Variants in CADPS2 observed in about 807,000 individuals in gnomAD.
CADPS2 encodes calcium dependent secretion activator 2.
CADPS2 carries 93 observed loss-of-function variants against 172.5 expected under a neutral mutation model. That is an observed-to-expected ratio of 0.54 (90% CI 0.46 to 0.64). The LOEUF is 0.64. Ranked by LOEUF, CADPS2 falls within the 30% of genes least tolerant of loss-of-function variation. The pLI is 0.00. For missense variants in CADPS2, 1,420 were observed against 1,565.9 expected (o/e 0.91, Z 1.57); for synonymous variants, 546 against 555.2 (o/e 0.98, Z 0.23).
intron 1 of CADPS2, among the ~76,000 whole-genome samples, chr7:122,834,165 G>T (rs1306139470): frequency 6.6e-6 from 1 of 152,196 alleles, no homozygotes; most frequent in Non-Finnish European, 1.5e-5. Flanking sequence ...CAGCTAACAT[G>T]ATGGTAGAAG....
At chr7:122,577,378 A>G (rs1324836003) in intron 7 of CADPS2, among the ~76,000 whole-genome samples, 12 of 152,144 alleles carry the variant, frequency 7.9e-5, no homozygotes, top group Non-Finnish European at 1.6e-4. Context: ...CAAACTCGCA[A>G]CTGTTGTCTA....
chr7:122,622,302 T>C (rs2075682464), intron 4 of CADPS2, among the ~76,000 whole-genome samples: 1 of 152,216 alleles, frequency 6.6e-6, no homozygotes, highest in South Asian at 2.1e-4. Context: ...CTTCTGGCTA[T>C]AAATTCAGTT....
intron 1 of CADPS2, among the ~76,000 whole-genome samples, chr7:122,751,042 G>A (rs37910): frequency 0.2 from 29,909 of 152,066 alleles, 3,699 homozygotes; most frequent in African/African-American, 0.35. Flanking sequence ...AACTCAAACC[G>A]ATTTTTAAAT....
intron 2 of CADPS2, among the ~76,000 whole-genome samples, chr7:122,692,879 T>C (rs2084579441): frequency 6.6e-6 from 1 of 152,220 alleles, no homozygotes; most frequent in Non-Finnish European, 1.5e-5. Context: ...TGCTCTCCAT[T>C]GCCTTCAGGG....
intron 27 of CADPS2, among the ~76,000 whole-genome samples, chr7:122,358,783 A>G (rs1054627261): frequency 1.3e-5 from 2 of 152,148 alleles, no homozygotes; most frequent in Non-Finnish European, 2.9e-5. Context: ...TAGAAGTGTA[A>G]TGTCCATAAC....
chr7:122,369,711 G>T (rs931434249), intron 25 of CADPS2: 1 of 152,246 alleles, frequency 6.6e-6, no homozygotes, highest in South Asian at 2.1e-4. Context: ...TTCTCTTCCA[G>T]GACAGCCTGC....
intron 2 of CADPS2, chr7:122,701,619 C>G (rs2136272521): frequency 8.3e-6 from 3 of 360,258 alleles, no homozygotes; most frequent in African/African-American, 2.1e-5. Flanking sequence ...ATAAAATTCA[C>G]CTAAAAAAAC....
At chr7:122,504,541 C>T (rs2059468356) in intron 9 of CADPS2, among the ~76,000 whole-genome samples, 1 of 151,942 alleles carries the variant, frequency 6.6e-6, no homozygotes, top group African/African-American at 2.4e-5. Flanking sequence ...TTTCCCCACC[C>T]CTACCTTTCT....
intron 1 of CADPS2, among the ~76,000 whole-genome samples, chr7:122,884,981 T>C (rs1453120977): frequency 6.6e-6 from 1 of 152,222 alleles, no homozygotes; most frequent in South Asian, 2.1e-4. Context: ...AACTAATAAA[T>C]GTCTGTGCAT....
At chr7:122,661,455 T>A (rs1385753732) in intron 3 of CADPS2, among the ~76,000 whole-genome samples, 1 of 152,166 alleles carries the variant, frequency 6.6e-6, no homozygotes, top group Admixed American at 6.6e-5. Context: ...TATAACCTTG[T>A]AACATCTAGT....
chr7:122,695,788 T>C (rs1267718078), intron 2 of CADPS2, among the ~76,000 whole-genome samples: 1 of 152,188 alleles, frequency 6.6e-6, no homozygotes, highest in Non-Finnish European at 1.5e-5. Flanking sequence ...CAATTTCTTA[T>C]GCATGGGAGT....
chr7:122,482,325 G>C (rs1159084022), intron 11 of CADPS2, among the ~76,000 whole-genome samples: 6 of 152,118 alleles, frequency 3.9e-5, no homozygotes, highest in Non-Finnish European at 1.5e-5. Flanking sequence ...ATTTTTGGTT[G>C]TCTGACCTGG....
chr7:122,655,512 T>G (rs1415918204), intron 3 of CADPS2, among the ~76,000 whole-genome samples: 1 of 152,176 alleles, frequency 6.6e-6, no homozygotes, highest in Non-Finnish European at 1.5e-5. Context: ...TATTTTTAAA[T>G]TAAGATACAT....
chr7:122,615,351 A>T, intron 5 of CADPS2, 52 bp from the exon 6 acceptor site: 1 of 1,240,238 alleles, frequency 8.1e-7, no homozygotes, highest in East Asian at 2.6e-5. Context: ...ACATTTAGCA[A>T]TATACATAAA....
At chr7:122,379,021 A>G (rs751608557) in intron 25 of CADPS2, 8 of 185,328 alleles carry the variant, frequency 4.3e-5, no homozygotes, top group Non-Finnish European at 7.9e-5. Context: ...GCCACTACAG[A>G]TGGGCTAAAT....
intron 1 of CADPS2, among the ~76,000 whole-genome samples, chr7:122,844,807 A>C (rs964204583): frequency 6.6e-6 from 1 of 152,142 alleles, no homozygotes; most frequent in African/African-American, 2.4e-5. Context: ...TCAGAGACAA[A>C]GTGAGTGGGG....
At chr7:122,370,050 T>C (rs1173682109) in intron 25 of CADPS2, among the ~76,000 whole-genome samples, 1 of 152,154 alleles carries the variant, frequency 6.6e-6, no homozygotes, top group Non-Finnish European at 1.5e-5. Context: ...TTTCTGCAGT[T>C]TCTCTTACTT....
Position 122,698,694 on chromosome 7 carries a change from T to C in CADPS2, c.454-35125A>G, listed in dbSNP as rs769267976. The stretch of plus-strand genomic sequence containing the variant: ...TTTGGATTTTTCCCTCTGGTGGCAC[T>C]ATAACTCCTGCCACTCTCTTCAAAG... On this transcript the variant is annotated intron_variant, in intron 2 of 29. Coordinates refer to ENST00000449022, the MANE Select transcript of CADPS2 (RefSeq NM_017954.11). The C allele has an allele frequency of 6.6e-5, 107 of 1,613,556 alleles. No individual in the cohort carries two copies. In the Admixed American group the frequency reaches 1.8e-3, roughly 27 times the overall value.
chr7:122,686,004 G>A (rs892833879), intron 2 of CADPS2, among the ~76,000 whole-genome samples: 2 of 152,146 alleles, frequency 1.3e-5, no homozygotes, highest in Non-Finnish European at 2.9e-5. Context: ...TGTGAAGCTG[G>A]TTTTATGGAC....
Sources: gnomAD v4.1 joint callset for allele counts (sites outside exome capture counted in the v4.1 genomes callset) on GRCh38, gnomAD v4.1.1 for gene constraint, MANE v1.5 for transcripts, NCBI Gene and HGNC (gene_info 2026-07-23, HGNC 2026-07-21) for gene names.